BCL9: variants seen among roughly 807,000 people sequenced by gnomAD.
BCL9 encodes B-cell CLL/lymphoma 9 protein.
BCL9 carries 25 observed loss-of-function variants against 88.5 expected under a neutral mutation model. The observed-to-expected ratio is 0.28, with a 90% CI of 0.21 to 0.39. BCL9 has a LOEUF of 0.39. Among genes scored for constraint, BCL9 ranks in the 10% least tolerant of loss-of-function variants. The probability of loss-of-function intolerance (pLI) is 1.00; values close to 1 mark genes in which losing one functional copy is unlikely to be tolerated. For missense variants in BCL9, 1,817 were observed against 1,877.8 expected, an observed-to-expected ratio of 0.97 and a Z score of 0.60; for synonymous variants, 711 against 673.3, an observed-to-expected ratio of 1.06 and a Z score of -0.87.
chr1:147,614,838 C>A (rs1324398458), intron 6 of BCL9, among the ~76,000 whole-genome samples: 4 of 27,964 alleles, frequency 1.4e-4, no homozygotes, highest in African/African-American at 6.7e-4. Context: ...ATATATATCT[C>A]TTTTTCTTTT....
At chr1:147,565,471 G>C (rs1655558586) in intron 1 of BCL9, among the ~76,000 whole-genome samples, 1 of 152,162 alleles carries the variant, frequency 6.6e-6, no homozygotes, top group Non-Finnish European at 1.5e-5. Flanking sequence ...TCTTCCTCTT[G>C]CCTGGCCAAG....
At chr1:147,553,260 G>A (rs1345205394) in intron 1 of BCL9, among the ~76,000 whole-genome samples, 1 of 152,114 alleles carries the variant, frequency 6.6e-6, no homozygotes, top group Non-Finnish European at 1.5e-5. Flanking sequence ...CCTCAGCTAA[G>A]CTCTCTTATT....
intron 1 of BCL9, among the ~76,000 whole-genome samples, chr1:147,544,853 T>C (rs1365351419): frequency 2.0e-5 from 3 of 152,158 alleles, no homozygotes; most frequent in Non-Finnish European, 2.9e-5. Context: ...TCTCTCTCTC[T>C]TCCTCCTATT....
intron 1 of BCL9, among the ~76,000 whole-genome samples, chr1:147,584,030 T>A (rs911447043): frequency 6.4e-5 from 9 of 140,548 alleles, no homozygotes; most frequent in Non-Finnish European, 9.0e-5. Flanking sequence ...ACCTTTATTT[T>A]CTTTCATTTC....
chr1:147,572,919 G>A (rs1655948033), intron 1 of BCL9, among the ~76,000 whole-genome samples: 1 of 152,196 alleles, frequency 6.6e-6, no homozygotes, highest in African/African-American at 2.4e-5. Flanking sequence ...AACATTTAAT[G>A]AGAAGCTGGG....
intron 1 of BCL9, among the ~76,000 whole-genome samples, chr1:147,564,676 A>T (rs1365275922): frequency 1.3e-5 from 2 of 152,190 alleles, no homozygotes; most frequent in African/African-American, 2.4e-5. Context: ...TACTATTATC[A>T]TTGCCTGCAT....
At chr1:147,604,531 C>A (rs1244957571) in intron 1 of BCL9, among the ~76,000 whole-genome samples, 1 of 152,128 alleles carries the variant, frequency 6.6e-6, no homozygotes, top group Non-Finnish European at 1.5e-5. Flanking sequence ...TTTCTAAACT[C>A]CCAGTCATCC....
Position 147,582,366 on chromosome 1 carries a change from G to C in BCL9, c.-477-22411G>C, listed in dbSNP as rs1656404640. Among the ~76,000 whole-genome samples, 2 of 152,178 alleles carry C rather than the reference G, an allele frequency of 1.3e-5. 1 individual carries two copies. The highest frequency in any genetic ancestry group is 4.1e-4 in the South Asian group (2 of 4,832). The stretch of plus-strand genomic sequence containing the variant: ...TTGCTTTGTAACTTATTCCTAGACA[G>C]GGAATTATTAAGGCAATTAGGGCAA... On this transcript the variant is annotated intron_variant, in intron 1 of 9. Coordinates refer to ENST00000234739, the MANE Select transcript of BCL9 (RefSeq NM_004326.4).
At chr1:147,542,071 C>G (rs1353021132) in intron 1 of BCL9, among the ~76,000 whole-genome samples, 1 of 152,150 alleles carries the variant, frequency 6.6e-6, no homozygotes, top group Non-Finnish European at 1.5e-5. Context: ...TGTGCATTCT[C>G]AGGCTGAGCA....
intron 1 of BCL9, among the ~76,000 whole-genome samples, chr1:147,550,793 A>G (rs1479357725): frequency 2.6e-5 from 4 of 152,196 alleles, no homozygotes; most frequent in Non-Finnish European, 4.4e-5. Context: ...TGGGCTGGTT[A>G]TTTATTCTCT....
At chr1:147,611,996 C>A in intron 4 of BCL9, 107 bp downstream of exon 4, 5 of 1,179,050 alleles carry the variant, frequency 4.2e-6, no homozygotes, top group South Asian at 1.3e-5. Flanking sequence ...TAAATGAAAC[C>A]CAAATGGGAA....
chr1:147,586,619 G>C (rs1175881033), intron 1 of BCL9, among the ~76,000 whole-genome samples: 1 of 152,122 alleles, frequency 6.6e-6, no homozygotes, highest in African/African-American at 2.4e-5. Flanking sequence ...CAGGGGACCC[G>C]CCCTTAATAG....
intron 1 of BCL9, among the ~76,000 whole-genome samples, chr1:147,580,973 A>C (rs1656338962): frequency 6.6e-6 from 1 of 152,160 alleles, no homozygotes; most frequent in African/African-American, 2.4e-5. Flanking sequence ...GAAGCCTTGC[A>C]TCCAGGTGTG....
intron 1 of BCL9, among the ~76,000 whole-genome samples, chr1:147,575,658 C>T (rs1407301110): frequency 1.3e-5 from 2 of 152,124 alleles, no homozygotes; most frequent in South Asian, 2.1e-4. Context: ...GATTTTCTTT[C>T]CTCTCATTTC....
intron 1 of BCL9, among the ~76,000 whole-genome samples, chr1:147,548,979 C>CTTTTTTTTTTTTTTT (rs72473603): frequency 9.0e-5 from 10 of 111,336 alleles, no homozygotes; most frequent in Non-Finnish European, 1.2e-4. Context: ...TTCTTTCTTT[C>CTTTTTTTTTTTTTTT]TTTTTTTTTT....
intron 1 of BCL9, among the ~76,000 whole-genome samples, chr1:147,595,465 G>T (rs1247998882): frequency 6.6e-6 from 1 of 152,198 alleles, no homozygotes; most frequent in Non-Finnish European, 1.5e-5. Flanking sequence ...TAGGTCATCT[G>T]GAGGGCAAAA....
chr1:147,593,126 G>T (rs1172481946), intron 1 of BCL9, among the ~76,000 whole-genome samples: 1 of 152,166 alleles, frequency 6.6e-6, no homozygotes, highest in East Asian at 1.9e-4. Context: ...TTGTGTGCAG[G>T]GCACTGCACG....
At chr1:147,577,834 ATGTGTG>A (rs67428703) in intron 1 of BCL9, among the ~76,000 whole-genome samples, 74 of 141,072 alleles carry the variant, frequency 5.2e-4, no homozygotes, top group African/African-American at 1.6e-3. Flanking sequence ...TTTTCTACCA[ATGTGTG>A]TGTGTGTGTG....
chr1:147,585,503 T>C (rs1352639628), intron 1 of BCL9, among the ~76,000 whole-genome samples: 1 of 152,128 alleles, frequency 6.6e-6, no homozygotes, highest in Non-Finnish European at 1.5e-5. Flanking sequence ...TTCATGTTAA[T>C]TAATTGCTAT....
Sources: gnomAD v4.1 joint callset for allele counts (sites outside exome capture counted in the v4.1 genomes callset) on GRCh38, gnomAD v4.1.1 for gene constraint, MANE v1.5 for transcripts, NCBI Gene and HGNC (gene_info 2026-07-23, HGNC 2026-07-21) for gene names.